Variants in FRMD3 observed in about 807,000 individuals in gnomAD.
FRMD3 encodes FERM domain-containing protein 3.
In FRMD3, 33 loss-of-function variants were observed where a neutral mutation model predicts 70.2. The observed-to-expected ratio is 0.47, with a 90% confidence interval of 0.36 to 0.63. The LOEUF (loss-of-function observed/expected upper bound fraction) is 0.63. FRMD3 is among the 20% of genes least tolerant of loss of function. FRMD3 has a pLI of 0.00. For missense variants in FRMD3, 632 were observed against 711.4 expected (o/e 0.89, Z 1.27); for synonymous variants, 279 against 255.9 (o/e 1.09, Z -0.86).
intron 13 of FRMD3, among the ~76,000 whole-genome samples, chr9:83,273,285 A>G (rs537200672): frequency 1.3e-5 from 2 of 149,350 alleles, no homozygotes; most frequent in African/African-American, 5.0e-5. Flanking sequence ...GTTCTGTACT[A>G]AGAAAATTTC....
chr9:83,296,469 A>C (rs1834665889), intron 12 of FRMD3, among the ~76,000 whole-genome samples: 1 of 152,206 alleles, frequency 6.6e-6, no homozygotes, highest in South Asian at 2.1e-4. Context: ...CATGGAGATG[A>C]CCAAGATAGA....
chr9:83,494,021 CTTGTCAT>C (rs1828886181), intron 1 of FRMD3, among the ~76,000 whole-genome samples: 1 of 152,216 alleles, frequency 6.6e-6, no homozygotes, highest in African/African-American at 2.4e-5. Flanking sequence ...CAACTCTTCC[CTTGTCAT>C]TTCCACTATG....
At chr9:83,457,081 T>C (rs951726674) in intron 1 of FRMD3, among the ~76,000 whole-genome samples, 11 of 152,194 alleles carry the variant, frequency 7.2e-5, no homozygotes, top group Admixed American at 6.5e-4. Context: ...ACTCAAGGCA[T>C]GACACTATAC....
intron 1 of FRMD3, among the ~76,000 whole-genome samples, chr9:83,518,111 G>T (rs1829493108): frequency 6.6e-6 from 1 of 152,134 alleles, no homozygotes; most frequent in South Asian, 2.1e-4. Context: ...CACCACTCCT[G>T]TTTGACAGTA....
chr9:83,357,426 C>T (rs1253326689), intron 3 of FRMD3, among the ~76,000 whole-genome samples: 1 of 151,018 alleles, frequency 6.6e-6, no homozygotes, highest in African/African-American at 2.4e-5. Context: ...TTCTTTTTCT[C>T]TGGGTACTGG....
At chr9:83,332,035 A>G (rs920750644) in intron 6 of FRMD3, 2 of 635,438 alleles carry the variant, frequency 3.1e-6, no homozygotes, top group East Asian at 2.8e-5. Flanking sequence ...CTGAGTGACA[A>G]TGGTGGGCGG....
At chr9:83,387,541 T>A (rs1825546838) in intron 2 of FRMD3, among the ~76,000 whole-genome samples, 1 of 152,204 alleles carries the variant, frequency 6.6e-6, no homozygotes, top group Non-Finnish European at 1.5e-5. Flanking sequence ...GCTGGCCATT[T>A]ATCATTTAGA....
chr9:83,399,818 A>G (rs1019740665), intron 1 of FRMD3, among the ~76,000 whole-genome samples: 3 of 152,212 alleles, frequency 2.0e-5, no homozygotes, highest in African/African-American at 7.2e-5. Flanking sequence ...AAAAAGAAAT[A>G]AATAACTTCC....
In FRMD3 at chr9:83,310,555, A is replaced by C; in HGVS notation, c.774-7T>G. The C allele has an allele frequency of 6.3e-7, 1 of 1,587,796 alleles. No homozygotes were observed. Among genetic ancestry groups the C allele is most frequent in the South Asian group, 1.2e-5 (1 of 85,392 alleles). On this transcript the variant is annotated splice_region_variant and splice_polypyrimidine_tract_variant and intron_variant, in intron 8 of 13. Transcript: ENST00000304195. ...CAATTTGCAGACATCTGGCCTAAGAAAAGAAAATCTCTGGGTAAGAAGAAA... is the reference window on the plus strand; with the variant it reads ...CAATTTGCAGACATCTGGCCTAAGACAAGAAAATCTCTGGGTAAGAAGAAA...
At chr9:83,393,452 G>A (rs1432775774) in intron 1 of FRMD3, among the ~76,000 whole-genome samples, 4 of 152,102 alleles carry the variant, frequency 2.6e-5, no homozygotes, top group Admixed American at 6.6e-5. Flanking sequence ...ACAGGGTGGT[G>A]GGATGGTTTC....
intron 13 of FRMD3, among the ~76,000 whole-genome samples, chr9:83,257,424 T>C (rs1832762557): frequency 6.6e-6 from 1 of 151,944 alleles, no homozygotes; most frequent in Admixed American, 6.6e-5. Flanking sequence ...GAGCCCTAGG[T>C]GATGGGATGA....
At chr9:83,340,241 G>A (rs2131154364) in intron 5 of FRMD3, among the ~76,000 whole-genome samples, 1 of 152,266 alleles carries the variant, frequency 6.6e-6, no homozygotes, top group East Asian at 1.9e-4. Context: ...TCAGGCAAGT[G>A]CCCTGATTCA....
chr9:83,384,017 T>A lies in FRMD3; in HGVS notation c.252+5587A>T, dbSNP rs927950340. 3.3e-5 allele frequency among the ~76,000 whole-genome samples: 5 copies of A among 152,198 alleles called. 1 individual carries two copies. Among genetic ancestry groups the A allele is most frequent in the Admixed American group, 2.6e-4 (4 of 15,282 alleles). ...CAGTGTTCATACCTTGAGCCACAAT[T>A]GAAGCACTGACAATATATTCCATTT... On this transcript the variant is annotated intron_variant, in intron 2 of 13. Transcript: ENST00000304195.
intron 12 of FRMD3, among the ~76,000 whole-genome samples, chr9:83,295,596 AC>A (rs1322921678): frequency 6.6e-6 from 1 of 152,230 alleles, no homozygotes; most frequent in Non-Finnish European, 1.5e-5. Context: ...ATAGATGAGT[AC>A]GCTGATGATC....
intron 1 of FRMD3, among the ~76,000 whole-genome samples, chr9:83,487,112 T>G (rs1003891594): frequency 9.2e-5 from 14 of 152,230 alleles, no homozygotes; most frequent in African/African-American, 3.4e-4. Flanking sequence ...TGACATGCTA[T>G]TTGTTTTCAG....
intron 3 of FRMD3, among the ~76,000 whole-genome samples, chr9:83,358,737 G>A (rs913226202): frequency 3.3e-5 from 5 of 150,962 alleles, no homozygotes; most frequent in African/African-American, 9.7e-5. Flanking sequence ...AAGGGATTGA[G>A]TTCTTGATTT....
chr9:83,417,655 T>C lies in FRMD3; in HGVS notation c.148-27947A>G, dbSNP rs572051370. On this transcript the variant is annotated intron_variant, in intron 1 of 13. Transcript: ENST00000304195. ...AGATGTGAAGCTCCAGGAAGAAATTTAGAATGGAAACACAAATCTGGGAGT... is the reference window on the plus strand; with the variant it reads ...AGATGTGAAGCTCCAGGAAGAAATTCAGAATGGAAACACAAATCTGGGAGT... Among the ~76,000 whole-genome samples the C allele has an allele frequency of 2.2e-4, 34 of 152,332 alleles. 1 individual carries two copies. Among genetic ancestry groups the C allele is most frequent in the African/African-American group, 8.2e-4 (34 of 41,570 alleles).
intron 2 of FRMD3, among the ~76,000 whole-genome samples, chr9:83,378,069 C>T (rs1407800037): frequency 6.6e-6 from 1 of 151,984 alleles, no homozygotes; most frequent in Non-Finnish European, 1.5e-5. Context: ...GAGCGAGTTC[C>T]CTGGTTTCCT....
At chr9:83,444,305 AG>A (rs1314032889) in intron 1 of FRMD3, among the ~76,000 whole-genome samples, 1 of 152,214 alleles carries the variant, frequency 6.6e-6, no homozygotes, top group Non-Finnish European at 1.5e-5. Context: ...CCTTTCCCAA[AG>A]TGGCCATTTT....
Sources: allele counts gnomAD v4.1 joint callset (sites outside exome capture counted in the v4.1 genomes callset), GRCh38; gene constraint gnomAD v4.1.1; transcripts MANE v1.5; gene names NCBI Gene and HGNC (gene_info 2026-07-23, HGNC 2026-07-21).